Variants in HOXD13 observed in about 807,000 individuals in gnomAD.
HOXD13 encodes the protein homeobox D13.
Under a neutral mutation model 27.3 loss-of-function variants are expected in HOXD13, and 16 were observed. The observed-to-expected ratio is 0.59, with a 90% CI of 0.40 to 0.89. The LOEUF (loss-of-function observed/expected upper bound fraction) is 0.89, where lower values mean the gene tolerates loss of function less well. Ranked by LOEUF, HOXD13 falls within the 40% of genes least tolerant of loss-of-function variation. The probability of loss-of-function intolerance (pLI) is 0.00; values close to 1 mark genes in which losing one functional copy is unlikely to be tolerated. For synonymous variants in HOXD13, 241 were observed against 219.0 expected, an observed-to-expected ratio of 1.10 and a Z score of -0.89; for missense variants, 481 against 482.6, an observed-to-expected ratio of 1.00 and a Z score of 0.03.
upstream of HOXD13, among the ~76,000 whole-genome samples, chr2:176,088,630 C>T (rs1309782875): frequency 3.3e-5 from 5 of 152,160 alleles, no homozygotes; most frequent in East Asian, 9.6e-4. Flanking sequence ...ATGTGGATTC[C>T]CCATAGAGAC....
At position 176,092,948 on chromosome 2, in the gene HOXD13, G is replaced by A. The variant is rs1435965440; in HGVS notation, c.58G>A (p.Gly20Ser). Reference sequence around the variant, plus strand: ...GCTGCGGGCAGACGGCGGGGGCGCCGGTGGCGCCCCGGCCTCTTCCTCCTC... The same window carrying A: ...GCTGCGGGCAGACGGCGGGGGCGCCAGTGGCGCCCCGGCCTCTTCCTCCTC... ...DGLRADGGGA[G>S]GAPASSSSSS... The change falls in exon 1 of 2, where the codon GGT becomes AGT. Residue 20 changes from glycine to serine, a missense_variant. Gly to Ser is a moderately conservative substitution (Grantham distance 56, BLOSUM62 0). Coordinates refer to ENST00000392539, the MANE Select transcript of HOXD13 (RefSeq NM_000523.4). 3.0e-6 allele frequency: 4 copies of A among 1,328,126 alleles called. No individual in the cohort carries two copies. The highest frequency in any genetic ancestry group is 3.8e-6 in the Non-Finnish European group (4 of 1,042,464). 82.3% of individuals were successfully genotyped at this position (1,328,126 alleles called of 1,614,324 possible). A position where few individuals can be genotyped will look rare whatever the true frequency, so the allele number is the denominator to read the frequency against.
chr2:176,088,123 G>T (rs1056600551), upstream of HOXD13, among the ~76,000 whole-genome samples: 1 of 152,266 alleles, frequency 6.6e-6, no homozygotes, highest in Admixed American at 6.5e-5. Flanking sequence ...GCTTGCTCGA[G>T]AGCTGGGGCT....
At chr2:176,092,437 T>C (rs114813623), upstream of HOXD13, among the ~76,000 whole-genome samples, 13,126 of 129,806 alleles carry the variant, frequency 0.1, 1,180 homozygotes, top group African/African-American at 0.26. Context: ...CGCAATCAAC[T>C]CGTGGGGGTG....
chr2:176,093,024 C>A lies in HOXD13; in HGVS notation c.134C>A (p.Ser45Tyr). ...AASGQCRGFL[S>Y]APVFAGTHSG... ...TCAGGCCAGTGCCGCGGCTTTCTCT[C>A]CGCGCCTGTGTTCGCCGGGACGCAT... The change falls in exon 1 of 2, where the codon TCC (serine) becomes TAC (tyrosine). Residue 45 changes from serine to tyrosine, a missense_variant. Physicochemically the swap from Ser to Tyr is moderately radical, Grantham distance 144. Transcript: ENST00000392539. 1.4e-6 allele frequency: 2 copies of A among 1,387,214 alleles called. No individual in the cohort carries two copies. The highest frequency in any genetic ancestry group is 1.9e-6 in the Non-Finnish European group (2 of 1,078,160). 85.9% of individuals were successfully genotyped at this position (1,387,214 alleles called of 1,614,324 possible). A position where few individuals can be genotyped will look rare whatever the true frequency, so the allele number is the denominator to read the frequency against.
At chr2:176,094,404 C>G in intron 1 of HOXD13, 76 bp from the exon 2 acceptor site, 3 of 1,554,928 alleles carry the variant, frequency 1.9e-6, no homozygotes, top group Non-Finnish European at 2.7e-6. Context: ...CACACACACA[C>G]ACACACACAC....
chr2:176,091,637 T>G (rs1270841887), upstream of HOXD13, among the ~76,000 whole-genome samples: 3 of 152,216 alleles, frequency 2.0e-5, no homozygotes, highest in Non-Finnish European at 4.4e-5. Context: ...GGGCTGCTCC[T>G]ATCACAAAAT....
Position 176,092,870 on chromosome 2 carries a change from G to GGGGCC in HOXD13, c.-15_-11dup. The stretch of plus-strand genomic sequence containing the variant: ...CCTGCGCGGGGCCAGGGCCAGGGCC[G>GGGGCC]GGGCCGGGCCAGGCCGGGCCATGAG... On this transcript the variant is annotated 5_prime_UTR_variant, in exon 1 of 2. Coordinates refer to ENST00000392539, the MANE Select transcript of HOXD13 (RefSeq NM_000523.4). 1 of 1,220,926 alleles carries GGGGCC rather than the reference G, an allele frequency of 8.2e-7. No individual in the cohort carries two copies. The highest frequency in any genetic ancestry group is 1.0e-6 in the Non-Finnish European group (1 of 980,724). 75.6% of individuals were successfully genotyped at this position (1,220,926 alleles called of 1,614,324 possible).
Position 176,093,395 on chromosome 2 carries a change from G to A in HOXD13, c.505G>A (p.Asp169Asn). Residue 169 changes from aspartate (D) to asparagine (N), a missense_variant, in exon 1 of 2, where the codon GAC (aspartate) becomes AAC (asparagine). Transcript: ENST00000392539. ...AGGCTTTCCCGTGGAGAAGTACATG[G>A]ACGTGTCAGGCCTGGCGAGCAGCAG... ...LGGFPVEKYMDVSGLASSSVP... is the reference protein window; with the variant it reads ...LGGFPVEKYMNVSGLASSSVP... 2 of 1,613,994 alleles carry A rather than the reference G, an allele frequency of 1.2e-6. No homozygotes were observed. Among genetic ancestry groups the A allele is most frequent in the Non-Finnish European group, 1.7e-6 (2 of 1,180,034 alleles).
At chr2:176,092,527 G>A (rs1253918084), upstream of HOXD13, among the ~76,000 whole-genome samples, 5 of 127,666 alleles carry the variant, frequency 3.9e-5, no homozygotes, top group Non-Finnish European at 8.3e-5. Flanking sequence ...AGGGGTGGGG[G>A]CCGGAGTGGG....
chr2:176,093,880 C>T (rs1298869986), intron 1 of HOXD13, among the ~76,000 whole-genome samples: 1 of 152,200 alleles, frequency 6.6e-6, no homozygotes, highest in African/African-American at 2.4e-5. Context: ...ACTGCCCTTT[C>T]TTTCCTGTGT....
chr2:176,093,746 G>A (rs755434110), intron 1 of HOXD13, 75 bp downstream of exon 1: 1 of 999,580 alleles, frequency 1.0e-6, no homozygotes, highest in Non-Finnish European at 1.5e-6. Flanking sequence ...CTAAGAGTAT[G>A]CGCCCCTACT....
At chr2:176,092,333 G>A (rs895466450), upstream of HOXD13, among the ~76,000 whole-genome samples, 4 of 152,262 alleles carry the variant, frequency 2.6e-5, no homozygotes, top group Admixed American at 6.5e-5. Flanking sequence ...AACTCGGGGA[G>A]CCGAGGAGAG....
In HOXD13 at chr2:176,093,090, C is replaced by A. The variant is rs775175316; in HGVS notation, c.200C>A (p.Ala67Glu). The change falls in exon 1 of 2, where the codon GCG becomes GAG. Residue 67 changes from alanine (A) to glutamate (E), a missense_variant. By Grantham distance (107) the Ala-to-Glu change is moderately radical. Transcript: ENST00000392539. The stretch of plus-strand genomic sequence containing the variant: ...GCGGCGGCAGCGGCGGCTGCGGCGG[C>A]GGCGGCGGCAGCCTCCGGCTTTGCG... ...AAAAAAAAAA[A>E]AAAASGFAYP... 2 of 1,419,600 alleles carry A rather than the reference C, an allele frequency of 1.4e-6. No homozygotes were observed. 87.9% of individuals were successfully genotyped at this position (1,419,600 alleles called of 1,614,324 possible).
At position 176,093,486 on chromosome 2, in the gene HOXD13, C is replaced by CT; in HGVS notation, c.598dup (p.Tyr200LeufsTer37). ...TCCTTCTACCAGGGCTATACGAGCC[C>CT]TTACCAGCACGTGCCCGGCTATATC... On this transcript the variant is annotated frameshift_variant, in exon 1 of 2. Coordinates refer to ENST00000392539, the MANE Select transcript of HOXD13 (RefSeq NM_000523.4). LOFTEE classifies it high-confidence loss of function. The CT allele has an allele frequency of 6.2e-7, 1 of 1,614,078 alleles. No homozygotes were observed. Among genetic ancestry groups the CT allele is most frequent in the Non-Finnish European group, 8.5e-7 (1 of 1,180,046 alleles).
upstream of HOXD13, among the ~76,000 whole-genome samples, chr2:176,090,332 T>A (rs1212111748): frequency 6.6e-6 from 1 of 152,208 alleles, no homozygotes; most frequent in Non-Finnish European, 1.5e-5. Flanking sequence ...CAGAGAAAAC[T>A]TTTGCCCTGC....
intron 1 of HOXD13, 149 bp from the exon 2 acceptor site, chr2:176,094,331 A>C: frequency 1.3e-6 from 1 of 751,394 alleles, no homozygotes; most frequent in Non-Finnish European, 2.3e-6. Flanking sequence ...CTATGTACAT[A>C]ATAAAGACCA....
At position 176,094,738 on chromosome 2, in the gene HOXD13, C is replaced by G; in HGVS notation, c.*8C>G. The G allele has an allele frequency of 6.2e-7, 1 of 1,613,506 alleles. No individual in the cohort carries two copies. Among genetic ancestry groups the G allele is most frequent in the Non-Finnish European group, 8.5e-7 (1 of 1,179,504 alleles). On this transcript the variant is annotated 3_prime_UTR_variant, in exon 2 of 2. Transcript: ENST00000392539. ...AAAGATACTGTCTCCTGATGTGGTC[C>G]AGGTTGGCCACAGACAGCTTAGAAG...
At position 176,095,353 on chromosome 2, in the gene HOXD13, T is replaced by C. The variant is rs1689397265; in HGVS notation, c.*623T>C. 1 of 228,372 alleles carries C rather than the reference T, an allele frequency of 4.4e-6. No individual in the cohort carries two copies. Among genetic ancestry groups the C allele is most frequent in the Non-Finnish European group, 8.7e-6 (1 of 114,826 alleles). The allele number at this position is 228,372 out of a possible 1,614,324, so 14.1% of individuals were successfully genotyped here. On this transcript the variant is annotated 3_prime_UTR_variant, in exon 2 of 2. Coordinates refer to ENST00000392539, the MANE Select transcript of HOXD13 (RefSeq NM_000523.4). ...TATCAATATTGAAATGAAGACAATC[T>C]TTCCAACTTTGGGTGTTTCACTTGC...
At chr2:176,093,984 A>G (rs2105379457) in intron 1 of HOXD13, among the ~76,000 whole-genome samples, 1 of 152,256 alleles carries the variant, frequency 6.6e-6, no homozygotes. Flanking sequence ...CTTTTTCCTA[A>G]GAAACCTGAC....
Sources: gnomAD v4.1 joint callset for allele counts (sites outside exome capture counted in the v4.1 genomes callset) on GRCh38, gnomAD v4.1.1 for gene constraint, MANE v1.5 for transcripts, NCBI Gene and HGNC (gene_info 2026-07-23, HGNC 2026-07-21) for gene names.